TAOK3: variants seen among roughly 807,000 people sequenced by gnomAD.
The protein encoded by TAOK3 is TAO kinase 3, also known as serine/threonine-protein kinase TAO3.
In TAOK3, 40 loss-of-function variants were observed where a neutral mutation model predicts 120.4. That is an observed-to-expected ratio of 0.33 (90% CI 0.26 to 0.43). TAOK3 has a LOEUF of 0.43. Ranked by LOEUF, TAOK3 falls within the 20% of genes least tolerant of loss-of-function variation. TAOK3 has a pLI of 1.00. For synonymous variants in TAOK3, 355 were observed against 387.5 expected, an observed-to-expected ratio of 0.92 and a Z score of 0.99; for missense variants, 821 against 1,112.1, an observed-to-expected ratio of 0.74 and a Z score of 3.72.
Position 118,152,419 on chromosome 12 carries a change from C to G in TAOK3, c.2353-10G>C, listed in dbSNP as rs1332334306. On this transcript the variant is annotated splice_polypyrimidine_tract_variant and intron_variant, in intron 19 of 20. Transcript: ENST00000392533. ...CCTCATCTAGCCGTAACTGCGGACACAGAAGACACACACGGTCATGCACCC... is the reference window on the plus strand; with the variant it reads ...CCTCATCTAGCCGTAACTGCGGACAGAGAAGACACACACGGTCATGCACCC... The G allele has an allele frequency of 6.2e-7, 1 of 1,605,658 alleles. No individual in the cohort carries two copies. Among genetic ancestry groups the G allele is most frequent in the Non-Finnish European group, 8.5e-7 (1 of 1,177,104 alleles).
At chr12:118,323,655 T>C (rs970011787) in intron 1 of TAOK3, among the ~76,000 whole-genome samples, 3 of 152,140 alleles carry the variant, frequency 2.0e-5, no homozygotes, top group African/African-American at 7.2e-5. Context: ...AGGATAGGTA[T>C]ATATGTACTG....
chr12:118,359,349 T>C (rs1479207245), intron 1 of TAOK3, among the ~76,000 whole-genome samples: 2 of 152,218 alleles, frequency 1.3e-5, no homozygotes, highest in Admixed American at 1.3e-4. Flanking sequence ...CTCACCGTTA[T>C]GGTATCAAGT....
Position 118,254,882 on chromosome 12 carries a change from C to T in TAOK3, c.120+566G>A, listed in dbSNP as rs933956556. 2.6e-5 allele frequency among the ~76,000 whole-genome samples: 4 copies of T among 152,198 alleles called. No homozygotes were observed. The East Asian group carries it at 5.8e-4, about 22-fold the overall frequency. On this transcript the variant is annotated intron_variant, in intron 3 of 20. Transcript: ENST00000392533. ...ATGCCATTCTCCTGCCTCAGCCTCC[C>T]GAGCAGCTGGGACTACAGGTGCCTG...
chr12:118,234,212 A>ATTTTTTTTATTTTTTTT (rs2039913366), intron 8 of TAOK3, among the ~76,000 whole-genome samples: 1 of 58,320 alleles, frequency 1.7e-5, no homozygotes, highest in Non-Finnish European at 3.1e-5. Context: ...AAAGCAGGAA[A>ATTTTTTTTATTTTTTTT]TTTTTTTTTT....
At chr12:118,266,359 A>AT (rs11348740) in intron 2 of TAOK3, among the ~76,000 whole-genome samples, 72 of 144,498 alleles carry the variant, frequency 5.0e-4, no homozygotes, top group East Asian at 3.9e-3. Context: ...CGCCCGGCTA[A>AT]TTTTTTTTTT....
chr12:118,252,961 C>T (rs540451918), intron 3 of TAOK3, among the ~76,000 whole-genome samples: 49 of 152,196 alleles, frequency 3.2e-4, no homozygotes, highest in Non-Finnish European at 2.6e-4. Flanking sequence ...CTCTTGACCT[C>T]GTGATCCGCC....
At chr12:118,176,155 G>T (rs572405917) in intron 16 of TAOK3, among the ~76,000 whole-genome samples, 2 of 152,126 alleles carry the variant, frequency 1.3e-5, no homozygotes, top group African/African-American at 2.4e-5. Flanking sequence ...AACCAATCCC[G>T]CATTGCACAA....
intron 1 of TAOK3, among the ~76,000 whole-genome samples, chr12:118,275,164 T>G: frequency 6.6e-6 from 1 of 152,102 alleles, no homozygotes; most frequent in Non-Finnish European, 1.5e-5. Context: ...GACAGGGTAT[T>G]ATATTACTCT....
intron 1 of TAOK3, among the ~76,000 whole-genome samples, chr12:118,295,918 G>A (rs1351183487): frequency 6.6e-6 from 1 of 152,136 alleles, no homozygotes; most frequent in African/African-American, 2.4e-5. Context: ...AAAATAGGAA[G>A]AATGGGCAAG....
At chr12:118,275,556 C>T (rs1434983758) in intron 1 of TAOK3, among the ~76,000 whole-genome samples, 2 of 152,090 alleles carry the variant, frequency 1.3e-5, no homozygotes, top group Non-Finnish European at 2.9e-5. Context: ...GATTAATAAT[C>T]ATTCATATCT....
At chr12:118,305,248 A>G (rs1054880743) in intron 1 of TAOK3, among the ~76,000 whole-genome samples, 1 of 152,166 alleles carries the variant, frequency 6.6e-6, no homozygotes, top group Non-Finnish European at 1.5e-5. Context: ...TCGGAGGCTG[A>G]GGCGGGAGGA....
At chr12:118,370,042 T>A (rs2141335529) in intron 1 of TAOK3, among the ~76,000 whole-genome samples, 1 of 152,306 alleles carries the variant, frequency 6.6e-6, no homozygotes, top group South Asian at 2.1e-4. Flanking sequence ...GGCCATCTAA[T>A]TTTTTGTATT....
At chr12:118,212,785 C>T (rs1185950743) in intron 11 of TAOK3, 129 bp downstream of exon 11, 6 of 579,732 alleles carry the variant, frequency 1.0e-5, no homozygotes, top group African/African-American at 1.9e-5. Flanking sequence ...CTACTTATCT[C>T]AGGATAAATG....
intron 3 of TAOK3, among the ~76,000 whole-genome samples, chr12:118,247,774 C>G (rs993320565): frequency 6.6e-6 from 1 of 152,160 alleles, no homozygotes; most frequent in Non-Finnish European, 1.5e-5. Context: ...ATCAGCCTCC[C>G]AAAGTACTGG....
chr12:118,209,803 TC>T lies in TAOK3; in HGVS notation c.819+3110del, dbSNP rs1405123979. Among the ~76,000 whole-genome samples the T allele has an allele frequency of 7.9e-5, 12 of 151,308 alleles. No homozygotes were observed. The Admixed American group carries it at 7.9e-4, about 10-fold the overall frequency. On this transcript the variant is annotated intron_variant, in intron 11 of 20. Transcript: ENST00000392533. ...ATCTCGGCTCACTGCAACCTCTGCCTCCCAGGCTCAAGTGATTCTCCTCCTT... is the reference window on the plus strand; with the variant it reads ...ATCTCGGCTCACTGCAACCTCTGCCTCCAGGCTCAAGTGATTCTCCTCCTT...
chr12:118,213,417 G>C (rs2038726985), intron 10 of TAOK3, among the ~76,000 whole-genome samples: 1 of 152,058 alleles, frequency 6.6e-6, no homozygotes, highest in South Asian at 2.1e-4. Flanking sequence ...ATGAGGGATG[G>C]AGAACCCAGG....
chr12:118,311,485 G>A (rs2043260574), intron 1 of TAOK3, among the ~76,000 whole-genome samples: 1 of 151,958 alleles, frequency 6.6e-6, no homozygotes, highest in African/African-American at 2.4e-5. Flanking sequence ...AAAAGAAAGA[G>A]CTCACAAATA....
intron 14 of TAOK3, among the ~76,000 whole-genome samples, chr12:118,188,943 T>TGA (rs369714951): frequency 1.8e-4 from 28 of 151,570 alleles, no homozygotes; most frequent in African/African-American, 6.3e-4. Context: ...TGTGTGTGTG[T>TGA]GAGTGTGAGC....
chr12:118,152,707 C>T (rs2034539784), intron 19 of TAOK3: 1 of 306,456 alleles, frequency 3.3e-6, no homozygotes, highest in African/African-American at 2.1e-5. Context: ...ATTACAGCTA[C>T]ACCATCCACT....
Sources: gnomAD v4.1 joint callset for allele counts (sites outside exome capture counted in the v4.1 genomes callset) on GRCh38, gnomAD v4.1.1 for gene constraint, MANE v1.5 for transcripts, NCBI Gene and HGNC (gene_info 2026-07-23, HGNC 2026-07-21) for gene names.